Variants in SEPTIN10 observed in about 807,000 individuals in gnomAD.
SEPTIN10 encodes the protein septin 10.
In SEPTIN10, 66 loss-of-function variants were observed where a neutral mutation model predicts 54.8. The observed-to-expected ratio is 1.21, with a 90% CI of 0.99 to 1.48. The LOEUF (loss-of-function observed/expected upper bound fraction) is 1.48, where lower values mean the gene tolerates loss of function less well. Among genes scored for constraint, SEPTIN10 ranks in the 40% most tolerant of loss-of-function variants. The pLI is 0.00. For synonymous variants in SEPTIN10, 161 were observed against 181.0 expected, an observed-to-expected ratio of 0.89 and a Z score of 0.89; for missense variants, 620 against 545.6, an observed-to-expected ratio of 1.14 and a Z score of -1.36.
intron 1 of SEPTIN10, among the ~76,000 whole-genome samples, chr2:109,602,680 T>TAAAA (rs1180569816): frequency 1.1e-5 from 1 of 95,084 alleles, no homozygotes; most frequent in Non-Finnish European, 2.2e-5. Flanking sequence ...CATCTCAAAT[T>TAAAA]AAAAAAAAAA....
intron 4 of SEPTIN10, among the ~76,000 whole-genome samples, chr2:109,578,715 C>T (rs952381498): frequency 1.3e-5 from 2 of 151,636 alleles, no homozygotes; most frequent in African/African-American, 4.9e-5. Context: ...TACAGTGAAC[C>T]GAGATTGTGC....
chr2:109,584,285 T>C (rs1462856597), intron 4 of SEPTIN10, among the ~76,000 whole-genome samples: 1 of 83,190 alleles, frequency 1.2e-5, no homozygotes, highest in Non-Finnish European at 2.4e-5. Flanking sequence ...GAGACCAGCC[T>C]GGCCAACAAG....
intron 5 of SEPTIN10, among the ~76,000 whole-genome samples, chr2:109,574,367 G>C (rs1438826133): frequency 1.4e-5 from 2 of 147,112 alleles, no homozygotes; most frequent in Non-Finnish European, 3.0e-5. Context: ...GATCGTTTGA[G>C]CCCACGGGTT....
intron 4 of SEPTIN10, among the ~76,000 whole-genome samples, chr2:109,584,738 A>T (rs1475956753): frequency 6.6e-6 from 1 of 152,172 alleles, no homozygotes; most frequent in Non-Finnish European, 1.5e-5. Context: ...TTTACAAAAA[A>T]TTCAAGCATC....
At chr2:109,593,224 T>A (rs1037838083) in intron 1 of SEPTIN10, 105 bp from the exon 2 acceptor site, 12 of 687,960 alleles carry the variant, frequency 1.7e-5, no homozygotes, top group South Asian at 3.8e-5. Context: ...AATAATGTTG[T>A]TATCACCAAG....
At chr2:109,602,623 C>T (rs1364414002) in intron 1 of SEPTIN10, among the ~76,000 whole-genome samples, 1 of 149,652 alleles carries the variant, frequency 6.7e-6, no homozygotes, top group Non-Finnish European at 1.5e-5. Flanking sequence ...TGCAGTGAGC[C>T]GAGATCGCAC....
At chr2:109,588,241 G>C (rs1280667598) in intron 2 of SEPTIN10, among the ~76,000 whole-genome samples, 1 of 152,064 alleles carries the variant, frequency 6.6e-6, no homozygotes, top group Non-Finnish European at 1.5e-5. Context: ...TATAAAAAAT[G>C]ATCAAAGTTC....
At chr2:109,598,561 G>A (rs1257972681) in intron 1 of SEPTIN10, among the ~76,000 whole-genome samples, 1 of 152,052 alleles carries the variant, frequency 6.6e-6, no homozygotes, top group Non-Finnish European at 1.5e-5. Flanking sequence ...ATCATCGGGA[G>A]GCCGGGCGTG....
chr2:109,557,217 C>T (rs1045436103), intron 8 of SEPTIN10, among the ~76,000 whole-genome samples: 3 of 151,942 alleles, frequency 2.0e-5, no homozygotes, highest in Non-Finnish European at 4.4e-5. Flanking sequence ...GAATGCATAA[C>T]AAACATAAGT....
chr2:109,577,265 A>G (rs1689897489), intron 4 of SEPTIN10, among the ~76,000 whole-genome samples: 1 of 152,210 alleles, frequency 6.6e-6, no homozygotes, highest in South Asian at 2.1e-4. Flanking sequence ...GGTAATAAAC[A>G]TATACTGGCC....
chr2:109,604,938 G>T (rs1011394603), intron 1 of SEPTIN10: 2 of 152,218 alleles, frequency 1.3e-5, no homozygotes, highest in African/African-American at 4.8e-5. Context: ...ACGTCACTGT[G>T]AAGCAGGAAA....
intron 2 of SEPTIN10, among the ~76,000 whole-genome samples, chr2:109,590,331 G>A (rs1693736985): frequency 6.6e-6 from 1 of 151,986 alleles, no homozygotes; most frequent in Non-Finnish European, 1.5e-5. Context: ...AGGTGTCTCT[G>A]AGAAGAGATT....
intron 8 of SEPTIN10, among the ~76,000 whole-genome samples, chr2:109,555,673 C>T (rs1276833209): frequency 6.6e-6 from 1 of 152,188 alleles, no homozygotes; most frequent in Non-Finnish European, 1.5e-5. Flanking sequence ...ACATCTGAAG[C>T]CTGTTAGCAA....
chr2:109,613,275 A>G (rs1408484871), intron 1 of SEPTIN10: 3 of 894,072 alleles, frequency 3.4e-6, no homozygotes, highest in Non-Finnish European at 3.0e-6. Flanking sequence ...TTAGAGTACA[A>G]AAGAGTCAAG....
In SEPTIN10 at chr2:109,585,809, CATAGT is replaced by C. The variant is rs1198696400; in HGVS notation, c.124_128del (p.Thr42ValfsTer7). 1.9e-6 allele frequency: 3 copies of C among 1,611,246 alleles called. No individual in the cohort carries two copies. The highest frequency in any genetic ancestry group is 8.5e-7 in the Non-Finnish European group (1 of 1,178,502). ...AACTCTCAAAACCAACATGGCCAGACATAGTCAACGAACGAATGTTTTCTCTTTTC... is the reference window on the plus strand; with the variant it reads ...AACTCTCAAAACCAACATGGCCAGACCAACGAACGAATGTTTTCTCTTTTC... On this transcript the variant is annotated frameshift_variant, in exon 3 of 11. Transcript: ENST00000397712. LOFTEE classifies it high-confidence loss of function.
intron 1 of SEPTIN10, among the ~76,000 whole-genome samples, chr2:109,611,790 ATATACC>A (rs1179223229): frequency 1.3e-5 from 2 of 152,182 alleles, no homozygotes; most frequent in African/African-American, 4.8e-5. Context: ...AGGTGTCACT[ATATACC>A]TATAAGAATG....
At chr2:109,603,095 C>A (rs1175458446) in intron 1 of SEPTIN10, among the ~76,000 whole-genome samples, 1 of 151,356 alleles carries the variant, frequency 6.6e-6, no homozygotes. Context: ...AAAAACAAAA[C>A]AAAAAAGCAT....
At chr2:109,565,929 T>G (rs1338370254) in intron 6 of SEPTIN10, 70 bp from the exon 7 acceptor site, 2 of 1,315,136 alleles carry the variant, frequency 1.5e-6, no homozygotes, top group African/African-American at 2.9e-5. Context: ...AAATTTTATG[T>G]GAGAGAGAAG....
intron 4 of SEPTIN10, among the ~76,000 whole-genome samples, chr2:109,578,308 C>G (rs1456362680): frequency 1.3e-5 from 2 of 152,016 alleles, no homozygotes; most frequent in African/African-American, 4.8e-5. Context: ...AGCACAAGGG[C>G]ACAGAAAGGT....
Sources: gnomAD v4.1 joint callset for allele counts (sites outside exome capture counted in the v4.1 genomes callset) on GRCh38, gnomAD v4.1.1 for gene constraint, MANE v1.5 for transcripts, NCBI Gene and HGNC (gene_info 2026-07-23, HGNC 2026-07-21) for gene names.